CLEC19A: variants seen among roughly 807,000 people sequenced by gnomAD.
CLEC19A encodes the protein C-type lectin domain containing 19A.
CLEC19A carries 21 observed loss-of-function variants against 26.1 expected under a neutral mutation model. The ratio of observed to expected loss-of-function variants is 0.80; its 90% confidence interval spans 0.57 to 1.16. The LOEUF (loss-of-function observed/expected upper bound fraction) is 1.16, where lower values mean the gene tolerates loss of function less well. Ranked by LOEUF, CLEC19A falls within the 50% of genes most tolerant of loss-of-function variation. The pLI is 0.00. For missense variants in CLEC19A, 224 were observed against 227.6 expected, an observed-to-expected ratio of 0.98 and a Z score of 0.10; for synonymous variants, 89 against 88.6, an observed-to-expected ratio of 1.00 and a Z score of -0.03.
chr16:19,295,988 C>A lies in CLEC19A; in HGVS notation c.89-2685C>A, dbSNP rs141039564. ...CCATCAAGAAAGGAGGGACCTGAGTCCCAGAAAAGGGTGGGGACAGGCCAA... is the reference window on the plus strand; with the variant it reads ...CCATCAAGAAAGGAGGGACCTGAGTACCAGAAAAGGGTGGGGACAGGCCAA... On this transcript the variant is annotated intron_variant, in intron 1 of 4. Transcript: ENST00000636231. 2.0e-4 allele frequency among the ~76,000 whole-genome samples: 31 copies of A among 152,280 alleles called. No individual in the cohort carries two copies. In the East Asian group the frequency reaches 5.6e-3, roughly 28 times the overall value.
intron 2 of CLEC19A, among the ~76,000 whole-genome samples, chr16:19,301,495 A>G (rs1306820284): frequency 2.0e-5 from 3 of 152,208 alleles, no homozygotes; most frequent in Non-Finnish European, 4.4e-5. Context: ...TACCTGCACA[A>G]TCTTGACCAA....
In CLEC19A at chr16:19,309,165, T is replaced by C. The variant is rs112766519; in HGVS notation, c.*82T>C. On this transcript the variant is annotated 3_prime_UTR_variant, in exon 5 of 5. Transcript: ENST00000636231. ...CAGTGTAGAATTGACATTGAATACA[T>C]GTAAAACATACATAGGAAGTAAATC... 4 of 999,034 alleles carry C rather than the reference T, an allele frequency of 4.0e-6. No individual in the cohort carries two copies. Among genetic ancestry groups the C allele is most frequent in the Middle Eastern group, 3.0e-4 (1 of 3,342 alleles). The allele number at this position is 999,034 out of a possible 1,614,324, so 61.9% of individuals were successfully genotyped here.
At chr16:19,290,847 CT>C (rs1308347752) in intron 1 of CLEC19A, among the ~76,000 whole-genome samples, 1 of 151,692 alleles carries the variant, frequency 6.6e-6, no homozygotes, top group Non-Finnish European at 1.5e-5. Flanking sequence ...TTCTTTCTTT[CT>C]TTTTTTTAGA....
intron 1 of CLEC19A, among the ~76,000 whole-genome samples, chr16:19,291,242 C>T (rs1897577419): frequency 6.6e-6 from 1 of 152,184 alleles, no homozygotes; most frequent in Non-Finnish European, 1.5e-5. Context: ...CAGCTTGTAA[C>T]CTACTGCCTG....
chr16:19,307,722 G>A (rs1897987052), intron 4 of CLEC19A, 45 bp downstream of exon 4: 4 of 1,544,738 alleles, frequency 2.6e-6, no homozygotes, highest in Non-Finnish European at 1.7e-6. Flanking sequence ...AGCCCAGGAG[G>A]TGTCACAGGT....
intron 3 of CLEC19A, chr16:19,304,942 T>C (rs1897919974): frequency 1.3e-5 from 2 of 152,362 alleles, no homozygotes; most frequent in South Asian, 2.1e-4. Context: ...CAAGGAAAGA[T>C]GCCCAAGACT....
At chr16:19,303,852 C>T in intron 2 of CLEC19A, 1 of 512,056 alleles carries the variant, frequency 2.0e-6, no homozygotes. Context: ...AGTACTGAGT[C>T]CTTCTTTGAA....
At chr16:19,301,736 GTTTTTT>G (rs1171248968) in intron 2 of CLEC19A, among the ~76,000 whole-genome samples, 4 of 81,498 alleles carry the variant, frequency 4.9e-5, no homozygotes, top group Admixed American at 1.5e-4. Flanking sequence ...GGTTTTTTTG[GTTTTTT>G]TTTTTTTTTT....
Position 19,298,726 on chromosome 16 carries a change from A to G in CLEC19A, c.142A>G (p.Lys48Glu). 6.4e-7 allele frequency: 1 copy of G among 1,551,018 alleles called. No homozygotes were observed. The highest frequency in any genetic ancestry group is 1.2e-5 in the South Asian group (1 of 84,028). ...GTGCCCCCTGTTCTGGATGGAGTTC[A>G]AAGGCCACTGCTATCGATTCTTCCC... ...SLCPLFWMEF[K>E]GHCYRFFPLN... is the part of the protein sequence containing the mutation. The change falls in exon 2 of 5, where the codon AAA (lysine) becomes GAA (glutamate). Residue 48 changes from lysine to glutamate, a missense_variant. Lys to Glu is a moderately conservative substitution (Grantham distance 56). Transcript: ENST00000636231.
chr16:19,298,930 G>T, intron 2 of CLEC19A, 92 bp downstream of exon 2: 3 of 1,345,068 alleles, frequency 2.2e-6, no homozygotes, highest in Admixed American at 2.7e-5. Flanking sequence ...ATTTCTCTTT[G>T]GTAATTGAAA....
intron 1 of CLEC19A, among the ~76,000 whole-genome samples, chr16:19,298,079 C>T (rs762481555): frequency 3.3e-5 from 5 of 151,796 alleles, no homozygotes; most frequent in East Asian, 1.9e-4. Flanking sequence ...GGAGAAACCC[C>T]GTCTCTACTA....
intron 1 of CLEC19A, among the ~76,000 whole-genome samples, chr16:19,297,263 CAT>C (rs1281476482): frequency 6.6e-6 from 1 of 152,194 alleles, no homozygotes. Flanking sequence ...TGGCAATAAA[CAT>C]GTGGGAAAAT....
At chr16:19,300,249 T>TA (rs1254489873) in intron 2 of CLEC19A, among the ~76,000 whole-genome samples, 3 of 149,794 alleles carry the variant, frequency 2.0e-5, no homozygotes, top group South Asian at 2.1e-4. Flanking sequence ...AATAAATAAA[T>TA]AATAAAAAAA....
At chr16:19,302,325 G>T (rs989961857) in intron 2 of CLEC19A, among the ~76,000 whole-genome samples, 4 of 152,248 alleles carry the variant, frequency 2.6e-5, no homozygotes, top group Non-Finnish European at 5.9e-5. Context: ...CAAGAAAAAA[G>T]AAATCTTCTA....
intron 1 of CLEC19A, among the ~76,000 whole-genome samples, chr16:19,294,294 G>A (rs1897656531): frequency 6.6e-6 from 1 of 152,182 alleles, no homozygotes; most frequent in Admixed American, 6.5e-5. Flanking sequence ...GCTCAAGTTA[G>A]ACTGGACTTC....
At chr16:19,294,808 G>A (rs531954850) in intron 1 of CLEC19A, among the ~76,000 whole-genome samples, 34 of 152,280 alleles carry the variant, frequency 2.2e-4, no homozygotes, top group Middle Eastern at 3.4e-3. Context: ...CTTAATTTTT[G>A]TTCAAGAAAA....
intron 2 of CLEC19A, among the ~76,000 whole-genome samples, chr16:19,301,743 T>G (rs1335258911): frequency 5.2e-5 from 6 of 114,596 alleles, no homozygotes; most frequent in African/African-American, 2.0e-4. Context: ...TTGGTTTTTT[T>G]TTTTTTTTTT....
chr16:19,293,385 A>G (rs183629099), intron 1 of CLEC19A, among the ~76,000 whole-genome samples: 71 of 152,304 alleles, frequency 4.7e-4, no homozygotes, highest in Non-Finnish European at 7.8e-4. Flanking sequence ...TTAATATGTT[A>G]ACATCAGGGG....
intron 1 of CLEC19A, among the ~76,000 whole-genome samples, chr16:19,293,044 G>A (rs193224558): frequency 1.6e-4 from 25 of 152,248 alleles, no homozygotes; most frequent in Admixed American, 1.4e-3. Flanking sequence ...AATGCAGAAG[G>A]GGAAGAAAGA....
Sources: allele counts gnomAD v4.1 joint callset (sites outside exome capture counted in the v4.1 genomes callset), GRCh38; gene constraint gnomAD v4.1.1; transcripts MANE v1.5; gene names NCBI Gene and HGNC (gene_info 2026-07-23, HGNC 2026-07-21).